The following THTPA variants were observed in gnomAD, a reference collection of about 807,000 sequenced individuals.
THTPA encodes the protein thiamine-triphosphatase.
In THTPA, 16 loss-of-function variants were observed where a neutral mutation model predicts 16.5. The ratio of observed to expected loss-of-function variants is 0.97; its 90% confidence interval spans 0.66 to 1.47. The LOEUF (loss-of-function observed/expected upper bound fraction) is 1.47, where lower values mean the gene tolerates loss of function less well. Ranked by LOEUF, THTPA falls within the 40% of genes most tolerant of loss-of-function variation. The probability of loss-of-function intolerance (pLI) is 0.00; values close to 1 mark genes in which losing one functional copy is unlikely to be tolerated. For synonymous variants in THTPA, 110 were observed against 115.5 expected (o/e 0.95, Z 0.30); for missense variants, 281 against 280.9 (o/e 1.00, Z 0.00).
At chr14:23,537,279 CA>C in the THTPA span, among the ~76,000 whole-genome samples, 1 of 151,918 alleles carries the variant, frequency 6.6e-6, no homozygotes, top group Non-Finnish European at 1.5e-5. Flanking sequence ...CACCAATTCC[CA>C]TGCCTCTCCA....
the THTPA span, chr14:23,529,393 T>G: frequency 3.0e-6 from 1 of 331,582 alleles, no homozygotes. Context: ...GTTGTTTGCT[T>G]TTGCCTTTCT....
the THTPA span, chr14:23,529,329 C>T: frequency 1.2e-3 from 289 of 233,910 alleles, 1 homozygote; most frequent in Non-Finnish European, 1.9e-3. Context: ...GTAGGAACAC[C>T]GGTGTCTTGT....
At chr14:23,515,150 T>TA in the THTPA span, among the ~76,000 whole-genome samples, 6 of 152,272 alleles carry the variant, frequency 3.9e-5, no homozygotes, top group African/African-American at 1.4e-4. Flanking sequence ...GCTGTGTTGT[T>TA]ACCAGGATGG....
At chr14:23,523,256 G>A in the THTPA span, 3 of 1,436,406 alleles carry the variant, frequency 2.1e-6, no homozygotes, top group African/African-American at 2.9e-5. The surrounding 1 kb of genome is among the most constrained non-coding windows in gnomAD (Gnocchi z 4.1). Context: ...AGCTGGGCCA[G>A]ATAAGAGGAC....
At chr14:23,533,131 G>A in the THTPA span, 24 of 1,473,084 alleles carry the variant, frequency 1.6e-5, no homozygotes, top group African/African-American at 2.4e-4. This position sits in a 1 kb window ranked among gnomAD's most constrained non-coding sequence, Gnocchi z 4.8. Context: ...AATGGGGCAC[G>A]GTTGGTTCTC....
At chr14:23,546,182 G>C in the THTPA span, among the ~76,000 whole-genome samples, 1 of 152,218 alleles carries the variant, frequency 6.6e-6, no homozygotes, top group African/African-American at 2.4e-5. This position sits in a 1 kb window ranked among gnomAD's most constrained non-coding sequence, Gnocchi z 4.7. Flanking sequence ...GAGAGGTCTT[G>C]CACACCCTGG....
At chr14:23,520,838 AG>A in the THTPA span, 1 of 151,334 alleles carries the variant, frequency 6.6e-6, no homozygotes, top group South Asian at 2.1e-4. The surrounding 1 kb of genome is among the most constrained non-coding windows in gnomAD (Gnocchi z 8.7). Context: ...TGACACAAAT[AG>A]GAAAAAAAAC....
the THTPA span, chr14:23,530,168 C>T: frequency 6.5e-7 from 1 of 1,535,776 alleles, no homozygotes; most frequent in South Asian, 1.2e-5. Flanking sequence ...GTGGGTGGCT[C>T]AGCTAAGGGG....
chr14:23,529,028 C>CATT, the THTPA span, among the ~76,000 whole-genome samples: 1 of 152,256 alleles, frequency 6.6e-6, no homozygotes, highest in East Asian at 1.9e-4. Flanking sequence ...GGACATAAGG[C>CATT]ATTACTTCAG....
chr14:23,515,475 T>C, the THTPA span, among the ~76,000 whole-genome samples: 91 of 152,206 alleles, frequency 6.0e-4, no homozygotes, highest in African/African-American at 2.1e-3. Flanking sequence ...TTGAAATCCA[T>C]CCCAAGAAGG....
At chr14:23,532,951 C>T in the THTPA span, 1 of 1,536,214 alleles carries the variant, frequency 6.5e-7, no homozygotes. Context: ...TGCTGAAGGC[C>T]TGGCACACTA....
the THTPA span, chr14:23,526,193 C>T: frequency 2.6e-6 from 4 of 1,536,510 alleles, no homozygotes; most frequent in Non-Finnish European, 2.6e-6. Context: ...GCAGACTGTG[C>T]ACTTAAAGGG....
upstream of THTPA, chr14:23,555,857 G>A (rs1271789145): frequency 2.0e-5 from 3 of 152,264 alleles, no homozygotes; most frequent in African/African-American, 7.2e-5. Context: ...CCTTGCACCC[G>A]ACTCTCCCCG....
the THTPA span, among the ~76,000 whole-genome samples, chr14:23,540,004 T>C: frequency 2.6e-5 from 4 of 152,240 alleles, no homozygotes; most frequent in South Asian, 4.1e-4. Flanking sequence ...TTTTCATTTT[T>C]TGAGACAGGG....
chr14:23,532,314 C>T, the THTPA span: 1 of 410,010 alleles, frequency 2.4e-6, no homozygotes, highest in Non-Finnish European at 4.2e-6. Context: ...GCTGATACCA[C>T]CCCTCCCTCC....
the THTPA span, chr14:23,523,231 C>T: frequency 2.0e-5 from 28 of 1,431,618 alleles, no homozygotes; most frequent in East Asian, 1.3e-4. The surrounding 1 kb of genome is among the most constrained non-coding windows in gnomAD (Gnocchi z 4.1). Flanking sequence ...AGTTGCCCAG[C>T]GGGGGCTGAG....
the THTPA span, chr14:23,531,329 G>T: frequency 8.4e-7 from 1 of 1,184,144 alleles, no homozygotes; most frequent in Non-Finnish European, 1.1e-6. Flanking sequence ...CGCTCATTCT[G>T]TCTTATCCCT....
the THTPA span, among the ~76,000 whole-genome samples, chr14:23,547,684 G>A: frequency 2.0e-5 from 3 of 152,092 alleles, no homozygotes; most frequent in Admixed American, 6.6e-5. Flanking sequence ...CATTCCCTCC[G>A]GTTTCTGATT....
chr14:23,517,420 G>T, the THTPA span, among the ~76,000 whole-genome samples: 2 of 152,130 alleles, frequency 1.3e-5, no homozygotes, highest in Admixed American at 1.3e-4. Context: ...CTGAGGCTGG[G>T]TCTACAGACT....
Sources: allele counts gnomAD v4.1 joint callset (sites outside exome capture counted in the v4.1 genomes callset), GRCh38; gene constraint gnomAD v4.1.1; non-coding constraint Gnocchi (gnomAD v3.1); transcripts MANE v1.5; gene names NCBI Gene and HGNC (gene_info 2026-07-23, HGNC 2026-07-21).